WDPCP: variants seen among roughly 807,000 people sequenced by gnomAD.
The protein encoded by WDPCP is WD repeat containing planar cell polarity effector.
WDPCP carries 71 observed loss-of-function variants against 93.1 expected under a neutral mutation model. The observed-to-expected ratio is 0.76, with a 90% CI of 0.63 to 0.93. WDPCP has a LOEUF of 0.93. Among genes scored for constraint, WDPCP ranks in the 40% least tolerant of loss-of-function variants. The pLI, the probability that WDPCP is intolerant of heterozygous loss-of-function variation, is 0.00. For missense variants in WDPCP, 844 were observed against 887.4 expected, an observed-to-expected ratio of 0.95 and a Z score of 0.62; for synonymous variants, 315 against 315.0, an observed-to-expected ratio of 1.00 and a Z score of 0.00.
chr2:63,256,358 C>T (rs1681144200), intron 14 of WDPCP, among the ~76,000 whole-genome samples: 1 of 152,054 alleles, frequency 6.6e-6, no homozygotes, highest in South Asian at 2.1e-4. Context: ...AGAACATGAT[C>T]CAGAAACAGC....
upstream of WDPCP, chr2:63,588,931 GCCTT>G: frequency 6.8e-7 from 1 of 1,475,006 alleles, no homozygotes; most frequent in South Asian, 1.1e-5. Flanking sequence ...CGGGAGCGGA[GCCTT>G]TTCTCGCTAA....
intron 2 of WDPCP, among the ~76,000 whole-genome samples, chr2:63,489,123 C>T (rs1188992787): frequency 6.6e-6 from 1 of 152,026 alleles, no homozygotes; most frequent in Non-Finnish European, 1.5e-5. Context: ...TATATCAAAT[C>T]CCACATGGGG....
rs1283070129 is a variant in WDPCP at position 63,820,185 on chromosome 2, CAG to C, written n.223-6480_223-6479del. Among the ~76,000 whole-genome samples, 3 of 152,096 alleles carry C rather than the reference CAG, an allele frequency of 2.0e-5. No homozygotes were observed. The East Asian group carries it at 5.8e-4, about 29-fold the overall frequency. ...GTTTGCAAAGATGGTTGCATCATAACAGAAACAGTACATGAGATGAACAGGTT... is the reference window on the plus strand; with the variant it reads ...GTTTGCAAAGATGGTTGCATCATAACAAACAGTACATGAGATGAACAGGTT... On this transcript the variant is annotated intron_variant and non_coding_transcript_variant, in intron 1 of 4. Coordinates refer to the WDPCP transcript ENST00000467687.
chr2:63,442,801 T>C (rs1161767299), intron 6 of WDPCP: 3 of 152,190 alleles, frequency 2.0e-5, no homozygotes, highest in Non-Finnish European at 4.4e-5. Flanking sequence ...ATAAATCTCA[T>C]ATCCTAACAA....
chr2:63,532,287 T>G (rs1194303376), intron 1 of WDPCP, among the ~76,000 whole-genome samples: 1 of 152,140 alleles, frequency 6.6e-6, no homozygotes, highest in African/African-American at 2.4e-5. Context: ...AAAACACTCT[T>G]CAGGATATTA....
chr2:63,271,254 A>G (rs1027817455), intron 13 of WDPCP, among the ~76,000 whole-genome samples: 2 of 152,216 alleles, frequency 1.3e-5, no homozygotes, highest in African/African-American at 4.8e-5. Context: ...CAGCAAAGCC[A>G]ATGTGCACTT....
intron 1 of WDPCP, among the ~76,000 whole-genome samples, chr2:63,562,458 C>T (rs931356324): frequency 6.6e-6 from 1 of 152,022 alleles, no homozygotes; most frequent in Non-Finnish European, 1.5e-5. Flanking sequence ...ATAGGTGCAA[C>T]CATGGCACAC....
chr2:63,709,232 T>G (rs994084974), intron 2 of WDPCP, among the ~76,000 whole-genome samples: 1 of 150,480 alleles, frequency 6.6e-6, no homozygotes, highest in African/African-American at 2.5e-5. Context: ...AGAGAATCAC[T>G]TGAACCCTGG....
intron 9 of WDPCP, among the ~76,000 whole-genome samples, chr2:63,424,897 G>T (rs180842566): frequency 6.6e-6 from 1 of 152,198 alleles, no homozygotes; most frequent in Non-Finnish European, 1.5e-5. Flanking sequence ...CAAGGCCCGG[G>T]AATGGATCTG....
chr2:63,301,968 A>T (rs1476378276), intron 13 of WDPCP, among the ~76,000 whole-genome samples: 1 of 152,166 alleles, frequency 6.6e-6, no homozygotes. Context: ...AGTGTTACAA[A>T]ATCAACCTAG....
rs117454495 is a variant in WDPCP at position 63,731,998 on chromosome 2, A to T, written n.309-81160T>A. ...CTGCTAAAATCAAGGCAAATGTTAC[A>T]TGGGCACATGAAGTGAATCCCCACT... On this transcript the variant is annotated intron_variant and non_coding_transcript_variant, in intron 2 of 4. Transcript: ENST00000467687. 5.3e-4 allele frequency among the ~76,000 whole-genome samples: 80 copies of T among 152,372 alleles called. No homozygotes were observed. In the East Asian group the frequency reaches 0.013, roughly 25 times the overall value.
At chr2:63,447,046 A>G (rs530466297) in intron 6 of WDPCP, among the ~76,000 whole-genome samples, 3 of 152,352 alleles carry the variant, frequency 2.0e-5, no homozygotes, top group East Asian at 1.9e-4. Flanking sequence ...GAGATAACAT[A>G]AAAGATAAAT....
chr2:63,368,601 T>A (rs1306479158), intron 12 of WDPCP, among the ~76,000 whole-genome samples: 1 of 151,490 alleles, frequency 6.6e-6, no homozygotes, highest in Non-Finnish European at 1.5e-5. Context: ...GCTGGGATTA[T>A]AGGCGTGAGC....
At chr2:63,519,507 T>C (rs1702785855) in intron 1 of WDPCP, among the ~76,000 whole-genome samples, 1 of 152,174 alleles carries the variant, frequency 6.6e-6, no homozygotes, top group South Asian at 2.1e-4. Flanking sequence ...CCATTAGTGA[T>C]CAGTAGTCTG....
chr2:63,182,499 A>G (rs1160813826), intron 14 of WDPCP, among the ~76,000 whole-genome samples: 1 of 151,950 alleles, frequency 6.6e-6, no homozygotes, highest in Non-Finnish European at 1.5e-5. Context: ...AAACCATTTG[A>G]TTGTGATGTA....
At chr2:63,269,357 T>G (rs1682432474) in intron 13 of WDPCP, among the ~76,000 whole-genome samples, 2 of 152,172 alleles carry the variant, frequency 1.3e-5, no homozygotes, top group African/African-American at 2.4e-5. Context: ...TGAAATTGGC[T>G]TCCACTCAAC....
intron 2 of WDPCP, among the ~76,000 whole-genome samples, chr2:63,709,368 A>G (rs1395040586): frequency 6.6e-6 from 1 of 152,070 alleles, no homozygotes; most frequent in African/African-American, 2.4e-5. Flanking sequence ...TCTTACCCTC[A>G]GTCCCATCCC....
At chr2:63,219,790 G>A (rs1317639079) in intron 14 of WDPCP, among the ~76,000 whole-genome samples, 2 of 152,132 alleles carry the variant, frequency 1.3e-5, no homozygotes, top group African/African-American at 4.8e-5. Flanking sequence ...CACGAGGTCA[G>A]GAGTTCGAGA....
chr2:63,188,884 T>A (rs1044153433), intron 14 of WDPCP, among the ~76,000 whole-genome samples: 5 of 152,144 alleles, frequency 3.3e-5, no homozygotes, highest in Non-Finnish European at 7.4e-5. Flanking sequence ...TTGTTGGGAT[T>A]TGAGCATTTG....
Sources: allele counts gnomAD v4.1 joint callset (sites outside exome capture counted in the v4.1 genomes callset), GRCh38; gene constraint gnomAD v4.1.1; transcripts MANE v1.5; gene names NCBI Gene and HGNC (gene_info 2026-07-23, HGNC 2026-07-21).